Variants in RPS6KA3 observed in about 807,000 individuals in gnomAD.
RPS6KA3 encodes the protein ribosomal protein S6 kinase alpha-3.
Under a neutral mutation model 67.2 loss-of-function variants are expected in RPS6KA3, and 4 were observed. That is an observed-to-expected ratio of 0.06 (90% CI 0.03 to 0.14). The LOEUF is 0.14. Ranked by LOEUF, RPS6KA3 falls within the 10% of genes least tolerant of loss-of-function variation. RPS6KA3 has a pLI of 1.00. For missense variants in RPS6KA3, 204 were observed against 559.0 expected, an observed-to-expected ratio of 0.36 and a Z score of 6.40; for synonymous variants, 182 against 183.7, an observed-to-expected ratio of 0.99 and a Z score of 0.07.
chrX:20,219,614 A>G (rs1289677476), intron 2 of RPS6KA3, among the ~76,000 whole-genome samples: 1 of 111,934 alleles, frequency 8.9e-6, no homozygotes, highest in Non-Finnish European at 1.9e-5. Context: ...AAAGAAGTCC[A>G]ATCCTTGGGT....
chrX:20,189,007 C>G (rs1458765563), intron 7 of RPS6KA3, among the ~76,000 whole-genome samples: 3 of 112,378 alleles, frequency 2.7e-5, no homozygotes, highest in African/African-American at 9.7e-5. Flanking sequence ...CTGCTGGGCT[C>G]AAGCTATCTT....
rs1464476398 is a variant in RPS6KA3, at chrX:20,186,380, A to G, written c.775-14T>C. 9.5e-7 allele frequency: 1 copy of G among 1,050,490 alleles called. No homozygotes were observed. Among genetic ancestry groups the G allele is most frequent in the African/African-American group, 1.9e-5 (1 of 53,886 alleles). The allele number at this position is 1,050,490 out of a possible 1,213,427, so 86.6% of individuals were successfully genotyped here. A position where few individuals can be genotyped will look rare whatever the true frequency, so the allele number is the denominator to read the frequency against. ...AAGCATTTCAAACTACAGAAAGGCA[A>G]AATAATCAGAAGTGTTAGTCAATAA... On this transcript the variant is annotated splice_polypyrimidine_tract_variant and intron_variant, in intron 9 of 21. Coordinates refer to ENST00000379565, the MANE Select transcript of RPS6KA3 (RefSeq NM_004586.3).
rs183564253 is a variant in RPS6KA3 at position 20,209,423 on chromosome X, G to C, written c.127-19C>G. On this transcript the variant is annotated intron_variant, in intron 2 of 21. Coordinates refer to ENST00000379565, the MANE Select transcript of RPS6KA3 (RefSeq NM_004586.3). ...CTTCTTCCTGTTGAGATAAACGTAA[G>C]AGGAGCAAACAGGGTTAGCCAGAGC... 2 of 916,670 alleles carry C rather than the reference G, an allele frequency of 2.2e-6. No individual in the cohort carries two copies. The highest frequency in any genetic ancestry group is 3.8e-5 in the African/African-American group (2 of 52,108). 75.5% of individuals were successfully genotyped at this position (916,670 alleles called of 1,213,427 possible).
intron 2 of RPS6KA3, among the ~76,000 whole-genome samples, chrX:20,218,603 C>T (rs1204587132): frequency 2.7e-5 from 3 of 111,674 alleles, no homozygotes; most frequent in African/African-American, 9.7e-5. Context: ...ACAAAATATA[C>T]AGAGTTGAAA....
At chrX:20,232,111 C>T (rs1159232840) in intron 2 of RPS6KA3, among the ~76,000 whole-genome samples, 3 of 111,855 alleles carry the variant, frequency 2.7e-5, no homozygotes, top group African/African-American at 6.5e-5. Context: ...CTACCTCATA[C>T]CAGGTACTAA....
At chrX:20,265,741 G>T (rs2070359250) in intron 1 of RPS6KA3, 1 of 110,591 alleles carries the variant, frequency 9.0e-6, no homozygotes, top group African/African-American at 3.3e-5. Flanking sequence ...TGATGCGCCC[G>T]GGGAAATTCT....
chrX:20,165,872 A>AT (rs1369528095), intron 17 of RPS6KA3, among the ~76,000 whole-genome samples: 2 of 111,216 alleles, frequency 1.8e-5, no homozygotes, highest in Admixed American at 1.9e-4. Flanking sequence ...TCCGTGGCGT[A>AT]TATGTTTCAA....
chrX:20,224,927 T>C (rs1436621886), intron 2 of RPS6KA3, among the ~76,000 whole-genome samples: 1 of 111,414 alleles, frequency 9.0e-6, no homozygotes, highest in Non-Finnish European at 1.9e-5. Flanking sequence ...TGTCCACACA[T>C]TTTTTTTCTT....
intron 2 of RPS6KA3, among the ~76,000 whole-genome samples, chrX:20,222,974 T>G (rs1227079036): frequency 3.6e-5 from 4 of 111,723 alleles, no homozygotes; most frequent in Middle Eastern, 4.6e-3. Flanking sequence ...AGATATATAG[T>G]GTTAAAGTCT....
intron 2 of RPS6KA3, among the ~76,000 whole-genome samples, chrX:20,223,679 T>G (rs2069040175): frequency 8.9e-6 from 1 of 112,146 alleles, no homozygotes; most frequent in African/African-American, 3.2e-5. Flanking sequence ...CAGCCAATCT[T>G]GTTTCATATG....
At chrX:20,244,618 C>T (rs1316921051) in intron 1 of RPS6KA3, among the ~76,000 whole-genome samples, 2 of 111,945 alleles carry the variant, frequency 1.8e-5, no homozygotes, top group Non-Finnish European at 3.8e-5. Context: ...GATCATAGAG[C>T]TATTAAATTT....
intron 4 of RPS6KA3, among the ~76,000 whole-genome samples, chrX:20,201,232 C>A (rs1315079712): frequency 1.8e-5 from 2 of 111,487 alleles, no homozygotes; most frequent in Non-Finnish European, 3.8e-5. Context: ...AACTCCTGGG[C>A]TCAAGAGATA....
intron 1 of RPS6KA3, among the ~76,000 whole-genome samples, chrX:20,243,594 T>C (rs1306063906): frequency 9.0e-6 from 1 of 111,218 alleles, no homozygotes; most frequent in Non-Finnish European, 1.9e-5. Flanking sequence ...CAAGGGATTC[T>C]CCTGTCTCAG....
At chrX:20,234,959 G>A in intron 1 of RPS6KA3, 145 bp from the exon 2 acceptor site, 6 of 463,594 alleles carry the variant, frequency 1.3e-5, no homozygotes, top group Non-Finnish European at 1.5e-5. Context: ...ATATGAGTAT[G>A]CAGTTGCTAA....
At position 20,151,099 on chromosome X, in the gene RPS6KA3, C is replaced by CT. The variant is rs1288200270; in HGVS notation, c.*4298dup. ...TTAAGTTGACTTAGTTACTAGAAAT[C>CT]TTTGAGAACACTCAGTCACATTGGA... On this transcript the variant is annotated 3_prime_UTR_variant, in exon 22 of 22. Transcript: ENST00000379565. 8.9e-6 allele frequency: 1 copy of CT among 112,599 alleles called. No individual in the cohort carries two copies. Among genetic ancestry groups the CT allele is most frequent in the Non-Finnish European group, 1.9e-5 (1 of 53,293 alleles). 9.3% of individuals were successfully genotyped at this position (112,599 alleles called of 1,213,427 possible).
intron 2 of RPS6KA3, among the ~76,000 whole-genome samples, chrX:20,210,091 A>G (rs2068674919): frequency 8.9e-6 from 1 of 112,395 alleles, no homozygotes; most frequent in Admixed American, 9.4e-5. Context: ...ATGATGGAAC[A>G]GTGAGAAGTA....
At chrX:20,266,391 A>G (rs1461923736) in intron 1 of RPS6KA3, among the ~76,000 whole-genome samples, 173 bp downstream of exon 1, 1 of 111,544 alleles carries the variant, frequency 9.0e-6, no homozygotes, top group Non-Finnish European at 1.9e-5. Flanking sequence ...GATGGAAGGA[A>G]CAGACAGACC....
At chrX:20,240,652 T>C (rs1474881815) in intron 1 of RPS6KA3, 1 of 183,590 alleles carries the variant, frequency 5.4e-6, no homozygotes, top group East Asian at 2.5e-4. Flanking sequence ...TACAGTGATA[T>C]TCATCATACT....
In RPS6KA3 at chrX:20,155,212, C is replaced by T; in HGVS notation, c.*186G>A. 2.0e-6 allele frequency: 1 copy of T among 509,876 alleles called. No homozygotes were observed. Among genetic ancestry groups the T allele is most frequent in the East Asian group, 3.4e-5 (1 of 29,275 alleles). The allele number at this position is 509,876 out of a possible 1,213,427, so 42.0% of individuals were successfully genotyped here. A position where few individuals can be genotyped will look rare whatever the true frequency, so the allele number is the denominator to read the frequency against. ...ATTTCTTCCGAAGCTCCAGGAAAAT[C>T]TAACTTGCTAACAATCATTTAAAGC... On this transcript the variant is annotated 3_prime_UTR_variant, in exon 22 of 22. Coordinates refer to ENST00000379565, the MANE Select transcript of RPS6KA3 (RefSeq NM_004586.3).
Sources: allele counts gnomAD v4.1 joint callset (sites outside exome capture counted in the v4.1 genomes callset), GRCh38; gene constraint gnomAD v4.1.1; transcripts MANE v1.5; gene names NCBI Gene and HGNC (gene_info 2026-07-23, HGNC 2026-07-21).